Variants in CYP4V2 observed in about 807,000 individuals in gnomAD.
CYP4V2 encodes cytochrome P450 4V2.
In CYP4V2, 55 loss-of-function variants were observed where a neutral mutation model predicts 60.8. The ratio of observed to expected loss-of-function variants is 0.90; its 90% CI spans 0.73 to 1.13. The LOEUF is 1.13. Ranked by LOEUF, CYP4V2 falls within the 50% of genes most tolerant of loss-of-function variation. The pLI is 0.00. For missense variants in CYP4V2, 675 were observed against 662.9 expected (o/e 1.02, Z -0.20); for synonymous variants, 239 against 236.8 (o/e 1.01, Z -0.08).
intron 7 of CYP4V2, chr4:186,203,867 A>G (rs2126592958): frequency 6.6e-6 from 1 of 152,346 alleles, no homozygotes; most frequent in East Asian, 1.9e-4. Flanking sequence ...GTTTTATAAA[A>G]CAAGTACTTT....
intron 7 of CYP4V2, chr4:186,202,981 T>C (rs1736366568): frequency 6.6e-6 from 1 of 151,254 alleles, no homozygotes; most frequent in Non-Finnish European, 1.5e-5. Context: ...CACATTCATG[T>C]ACATTTATGC....
intron 1 of CYP4V2, among the ~76,000 whole-genome samples, chr4:186,192,851 G>C (rs1219431834): frequency 1.3e-5 from 2 of 152,118 alleles, no homozygotes; most frequent in Admixed American, 1.3e-4. Context: ...TTTTAAAATT[G>C]GCCCAGACCA....
Position 186,194,502 on chromosome 4 carries a change from T to C in CYP4V2, c.217T>C (p.Phe73Leu), listed in dbSNP as rs751069999. ...ALLMKPDGRE[F>L]FQQIIEYTEE... ...TCAAATTTGATGTTTTTCCCCAGAA[T>C]TTTTTCAGCAGATCATTGAGTACAC... The change falls in exon 2 of 11, where the codon TTT becomes CTT. Residue 73 changes from phenylalanine (F) to leucine (L), a missense_variant and splice_region_variant. Phe to Leu is a conservative substitution (Grantham distance 22). Coordinates refer to ENST00000378802, the MANE Select transcript of CYP4V2 (RefSeq NM_207352.4). 1.9e-6 allele frequency: 3 copies of C among 1,613,898 alleles called. No individual in the cohort carries two copies. The highest frequency in any genetic ancestry group is 1.7e-6 in the Non-Finnish European group (2 of 1,179,778).
At position 186,205,202 on chromosome 4, in the gene CYP4V2, G is replaced by A. The variant is rs1027889042; in HGVS notation, c.990G>A (p.Gly330=). The A allele has an allele frequency of 6.2e-7, 1 of 1,614,142 alleles. No individual in the cohort carries two copies. The highest frequency in any genetic ancestry group is 8.5e-7 in the Non-Finnish European group (1 of 1,179,960). ...REEVDTFMFE[G]HDTTAAAINW... ...GCTATTGTTTTCTGCATTTGTAGGG[G>A]CACGATACAACTGCAGCTGCAATAA... The change falls in exon 8 of 11, where the codon GGG becomes GGA. Residue 330 remains glycine (G), a splice_region_variant and synonymous_variant. Coordinates refer to ENST00000378802, the MANE Select transcript of CYP4V2 (RefSeq NM_207352.4).
At chr4:186,203,921 T>C (rs1000771902) in intron 7 of CYP4V2, 1 of 152,246 alleles carries the variant, frequency 6.6e-6, no homozygotes, top group Non-Finnish European at 1.5e-5. Context: ...AAATCACTTG[T>C]GCCACATAGG....
At chr4:186,200,400 A>G (rs931444504) in intron 6 of CYP4V2, among the ~76,000 whole-genome samples, 6 of 152,326 alleles carry the variant, frequency 3.9e-5, no homozygotes, top group Admixed American at 1.3e-4. Context: ...AGTGCTCTAG[A>G]GGTTGGAAAT....
Position 186,191,916 on chromosome 4 carries a change from G to A in CYP4V2, c.93G>A (p.Leu31=). ...ALSLAGASLV[L]SLLQRVASYA... ...CCCTGGCCGGCGCCAGTCTGGTCCT[G>A]AGCCTGCTGCAGAGGGTGGCGAGCT... The change falls in exon 1 of 11, where the codon CTG becomes CTA. Residue 31 remains leucine (L), a synonymous_variant. Transcript: ENST00000378802. The A allele has an allele frequency of 1.3e-6, 2 of 1,594,290 alleles. No homozygotes were observed. The highest frequency in any genetic ancestry group is 1.7e-6 in the Non-Finnish European group (2 of 1,173,738).
intron 8 of CYP4V2, among the ~76,000 whole-genome samples, chr4:186,207,610 C>T (rs1036530267): frequency 2.0e-5 from 3 of 147,384 alleles, no homozygotes; most frequent in African/African-American, 7.5e-5. Flanking sequence ...AGTATTAATT[C>T]CTTAAATGTT....
Position 186,196,103 on chromosome 4 carries a change from C to T in CYP4V2, c.413+15C>T. 1 of 1,595,458 alleles carries T rather than the reference C, an allele frequency of 6.3e-7. No individual in the cohort carries two copies. Among genetic ancestry groups the T allele is most frequent in the South Asian group, 1.1e-5 (1 of 90,642 alleles). On this transcript the variant is annotated intron_variant, in intron 3 of 10. Transcript: ENST00000378802. ...CTTCTTACAAGGTATGCCAGTGTAC[C>T]TTTGTAAAGCTGTCTATAGAAATGG... is the stretch of plus-strand genomic sequence containing the variant.
At position 186,199,248 on chromosome 4, in the gene CYP4V2, G is replaced by A. The variant is rs1338227463; in HGVS notation, c.801+165G>A. 2.6e-5 allele frequency among the ~76,000 whole-genome samples: 4 copies of A among 152,242 alleles called. No individual in the cohort carries two copies. The South Asian group carries it at 8.3e-4, about 32-fold the overall frequency. On this transcript the variant is annotated intron_variant, in intron 6 of 10. Transcript: ENST00000378802. ...CTTTTGGTAAGTCCATGATGTTGAT[G>A]TTTTGTTAACATACCCGGTGTAGGA...
At chr4:186,194,121 G>A (rs1207083742) in intron 1 of CYP4V2, among the ~76,000 whole-genome samples, 1 of 152,228 alleles carries the variant, frequency 6.6e-6, no homozygotes, top group Non-Finnish European at 1.5e-5. Context: ...TTTGGAAGCA[G>A]CATAGTTTAT....
rs531010630 is a variant in CYP4V2, at chr4:186,207,312, G to A, written c.1091-1553G>A. Among the ~76,000 whole-genome samples, 245 of 151,344 alleles carry A rather than the reference G, an allele frequency of 1.6e-3. 1 individual carries two copies. The highest frequency in any genetic ancestry group is 2.4e-3 in the Non-Finnish European group (163 of 67,842). ...TAGTCCCAGCTACTCGGGAGGCTGA[G>A]GCAGGAGAATGACATGAACCCCTCA... On this transcript the variant is annotated intron_variant, in intron 8 of 10. Transcript: ENST00000378802.
chr4:186,196,525 C>T (rs1736151278), intron 3 of CYP4V2: 2 of 293,496 alleles, frequency 6.8e-6, no homozygotes, highest in Admixed American at 9.7e-5. Flanking sequence ...AGGCAGGAGC[C>T]TAGCAGGGAC....
intron 1 of CYP4V2, among the ~76,000 whole-genome samples, chr4:186,193,301 C>A (rs1010858479): frequency 6.6e-6 from 1 of 152,156 alleles, no homozygotes; most frequent in South Asian, 2.1e-4. Flanking sequence ...TTTGGGGATT[C>A]CAGTAATTAA....
intron 7 of CYP4V2, 53 bp from the exon 8 acceptor site, chr4:186,205,147 T>C: frequency 6.4e-7 from 1 of 1,555,468 alleles, no homozygotes; most frequent in South Asian, 1.1e-5. Context: ...TGGTCACTCC[T>C]AATCATCGCA....
chr4:186,210,814 GTATTTTC>G lies in CYP4V2; in HGVS notation c.*175_*181del, dbSNP rs2126604099. On this transcript the variant is annotated 3_prime_UTR_variant, in exon 11 of 11. Coordinates refer to ENST00000378802, the MANE Select transcript of CYP4V2 (RefSeq NM_207352.4). ...TAACAAAGAAAAAGTTTTGAGTTTT[GTATTTTC>G]TTTTTTCTTTTTTCTTTATTTTTTT... 1.3e-6 allele frequency: 1 copy of G among 779,870 alleles called. No homozygotes were observed. The highest frequency in any genetic ancestry group is 2.8e-5 in the East Asian group (1 of 36,068). 48.3% of individuals were successfully genotyped at this position (779,870 alleles called of 1,614,324 possible). A position where few individuals can be genotyped will look rare whatever the true frequency, so the allele number is the denominator to read the frequency against.
intron 1 of CYP4V2, 163 bp downstream of exon 1, chr4:186,192,200 C>A (rs1348201545): frequency 2.2e-6 from 2 of 890,488 alleles, no homozygotes; most frequent in Non-Finnish European, 1.8e-6. Flanking sequence ...CCTTGGCACC[C>A]GCCGACACTG....
chr4:186,200,264 G>A (rs1204645436), intron 6 of CYP4V2, among the ~76,000 whole-genome samples: 16 of 152,080 alleles, frequency 1.1e-4, no homozygotes, highest in Admixed American at 1.0e-3. Context: ...AGGCCACTTA[G>A]TAGCAGGTTT....
chr4:186,209,329 C>T, intron 10 of CYP4V2, 57 bp downstream of exon 10: 1 of 1,604,446 alleles, frequency 6.2e-7, no homozygotes, highest in Non-Finnish European at 8.5e-7. Flanking sequence ...GTGGGTTTCT[C>T]ACAGTGATTT....
Sources: allele counts gnomAD v4.1 joint callset (sites outside exome capture counted in the v4.1 genomes callset), GRCh38; gene constraint gnomAD v4.1.1; transcripts MANE v1.5; gene names NCBI Gene and HGNC (gene_info 2026-07-23, HGNC 2026-07-21).